Variants in LNX1 observed in about 807,000 individuals in gnomAD.
LNX1 encodes ligand of numb-protein X 1.
In LNX1, 54 loss-of-function variants were observed where a neutral mutation model predicts 68.4. The ratio of observed to expected loss-of-function variants is 0.79; its 90% CI spans 0.63 to 0.99. LNX1 has a LOEUF of 0.99. LNX1 is among the 50% of genes least tolerant of loss of function. The pLI, the probability that LNX1 is intolerant of heterozygous loss-of-function variation, is 0.00. For missense variants in LNX1, 906 were observed against 926.4 expected, an observed-to-expected ratio of 0.98 and a Z score of 0.29; for synonymous variants, 336 against 350.0, an observed-to-expected ratio of 0.96 and a Z score of 0.45.
chr4:53,632,311 T>A (rs1734309829), intron 1 of LNX1, among the ~76,000 whole-genome samples: 1 of 152,184 alleles, frequency 6.6e-6, no homozygotes, highest in African/African-American at 2.4e-5. Context: ...GACAGCAGAA[T>A]GTGCAGTGGC....
intron 2 of LNX1, among the ~76,000 whole-genome samples, chr4:53,537,783 A>T (rs1728476533): frequency 6.6e-6 from 1 of 152,340 alleles, no homozygotes; most frequent in South Asian, 2.1e-4. Flanking sequence ...GTCAAGGAAG[A>T]GAATGTCTTT....
At chr4:53,463,134 T>A (rs1722314116) in intron 9 of LNX1, among the ~76,000 whole-genome samples, 1 of 152,260 alleles carries the variant, frequency 6.6e-6, no homozygotes, top group South Asian at 2.1e-4. Flanking sequence ...ACTGAATATT[T>A]TATTTCATAT....
chr4:53,466,072 G>C (rs1206599124), intron 9 of LNX1, among the ~76,000 whole-genome samples: 1 of 152,070 alleles, frequency 6.6e-6, no homozygotes. Context: ...CTCTCCACAA[G>C]TGGTTTTACT....
chr4:53,517,209 C>G (rs1175877488), intron 2 of LNX1, among the ~76,000 whole-genome samples: 1 of 152,002 alleles, frequency 6.6e-6, no homozygotes, highest in African/African-American at 2.4e-5. Context: ...TCTGTTTATG[C>G]TTTTGATTGT....
chr4:53,467,591 G>GA lies in LNX1; in HGVS notation c.1893-5999dup, dbSNP rs527978638. Reference sequence around the variant, plus strand: ...CAATGGCAAAGAAGTTAAAAACCTTGAAAAAAAATTAGACAAATGGCTAAC... The same window carrying GA: ...CAATGGCAAAGAAGTTAAAAACCTTGAAAAAAAAATTAGACAAATGGCTAAC... On this transcript the variant is annotated intron_variant, in intron 9 of 10. Transcript: ENST00000263925. Among the ~76,000 whole-genome samples, 1,202 of 151,958 alleles carry GA rather than the reference G, an allele frequency of 7.9e-3. 16 individuals carry two copies. The highest frequency in any genetic ancestry group is 0.027 in the African/African-American group (1,135 of 41,442).
chr4:53,613,049 G>A (rs1443750917), intron 2 of LNX1, among the ~76,000 whole-genome samples: 1 of 149,998 alleles, frequency 6.7e-6, no homozygotes, highest in African/African-American at 2.5e-5. Flanking sequence ...GTCTACCTAC[G>A]ATTATATAGC....
chr4:53,508,493 A>G (rs1451446274), intron 2 of LNX1: 6 of 418,724 alleles, frequency 1.4e-5, no homozygotes, highest in Non-Finnish European at 2.2e-5. Flanking sequence ...CTGGAATGCA[A>G]ATTTATTCAG....
At chr4:53,584,165 T>C (rs1350516925) in intron 1 of LNX1, among the ~76,000 whole-genome samples, 2 of 152,162 alleles carry the variant, frequency 1.3e-5, no homozygotes, top group African/African-American at 2.4e-5. Context: ...TTGTTGTTGT[T>C]TTTTTTAAAA....
Position 53,573,834 on chromosome 4 carries a change from C to T in LNX1, c.169G>A (p.Gly57Arg). The T allele has an allele frequency of 6.2e-7, 1 of 1,613,582 alleles. No individual in the cohort carries two copies. The highest frequency in any genetic ancestry group is 8.5e-7 in the Non-Finnish European group (1 of 1,179,772). Reference protein sequence around the residue: ...ALLDPLDTPCGHTYCTLCLTN... With the variant: ...ALLDPLDTPCRHTYCTLCLTN... ...AGGCAGAGGGTGCAGTAGGTGTGTC[C>T]ACACGGAGTGTCCAGGGGGTCCAGC... Residue 57 changes from glycine (G) to arginine (R), a missense_variant, in exon 2 of 11, where the codon GGA (glycine) becomes AGA (arginine). Physicochemically the swap from Gly to Arg is moderately radical, Grantham distance 125 (BLOSUM62 -2). Coordinates refer to ENST00000263925, the MANE Select transcript of LNX1 (RefSeq NM_001126328.3).
intron 2 of LNX1, among the ~76,000 whole-genome samples, chr4:53,554,191 A>T (rs1039580383): frequency 6.6e-6 from 1 of 152,204 alleles, no homozygotes; most frequent in Non-Finnish European, 1.5e-5. Context: ...ATTGGACTAT[A>T]TGCAAGGGGT....
intron 2 of LNX1, among the ~76,000 whole-genome samples, chr4:53,602,177 G>A (rs1733045787): frequency 1.3e-5 from 2 of 152,208 alleles, no homozygotes; most frequent in African/African-American, 2.4e-5. Flanking sequence ...TCTCCGAAGT[G>A]ATAAGGGGAT....
At chr4:53,590,827 G>T (rs560247211) in intron 1 of LNX1, among the ~76,000 whole-genome samples, 3 of 152,190 alleles carry the variant, frequency 2.0e-5, no homozygotes, top group South Asian at 4.1e-4. Flanking sequence ...CAAAGAAAAT[G>T]GTAGACTTTT....
chr4:53,579,613 A>T (rs1731708861), intron 1 of LNX1, among the ~76,000 whole-genome samples: 1 of 152,118 alleles, frequency 6.6e-6, no homozygotes, highest in South Asian at 2.1e-4. Context: ...GTCATTCGAG[A>T]TCGTGTGTCT....
intron 2 of LNX1, among the ~76,000 whole-genome samples, chr4:53,555,459 C>T (rs1485540671): frequency 2.6e-5 from 4 of 152,188 alleles, no homozygotes; most frequent in Admixed American, 6.5e-5. Flanking sequence ...TCTCTACCTC[C>T]TCTCAACTTA....
chr4:53,610,523 C>G (rs1577792560), intron 2 of LNX1, among the ~76,000 whole-genome samples: 1 of 151,680 alleles, frequency 6.6e-6, no homozygotes, highest in Non-Finnish European at 1.5e-5. Context: ...CTGGCTAACA[C>G]GGTGAAACCC....
chr4:53,487,421 T>A (rs1041747443), intron 6 of LNX1, among the ~76,000 whole-genome samples: 6 of 152,252 alleles, frequency 3.9e-5, no homozygotes, highest in African/African-American at 1.4e-4. Flanking sequence ...GTAAAATGTA[T>A]GATAAACTAT....
intron 4 of LNX1, among the ~76,000 whole-genome samples, chr4:53,505,592 C>T (rs1725816445): frequency 2.6e-5 from 4 of 152,150 alleles, no homozygotes; most frequent in Admixed American, 2.6e-4. Context: ...ATTGAAGAGT[C>T]TTTAATAAGA....
At chr4:53,476,379 G>A (rs935349463) in intron 9 of LNX1, among the ~76,000 whole-genome samples, 2 of 152,190 alleles carry the variant, frequency 1.3e-5, no homozygotes, top group African/African-American at 4.8e-5. Context: ...TTAGGCGAAG[G>A]TGAACCTTCT....
At chr4:53,468,272 C>G (rs1160769858) in intron 9 of LNX1, among the ~76,000 whole-genome samples, 1 of 152,138 alleles carries the variant, frequency 6.6e-6, no homozygotes, top group Non-Finnish European at 1.5e-5. Context: ...AAATAAAATA[C>G]TTTACAGACA....
Sources: gnomAD v4.1 joint callset for allele counts (sites outside exome capture counted in the v4.1 genomes callset) on GRCh38, gnomAD v4.1.1 for gene constraint, MANE v1.5 for transcripts, NCBI Gene and HGNC (gene_info 2026-07-23, HGNC 2026-07-21) for gene names.